RPL19: variants seen among roughly 807,000 people sequenced by gnomAD.
RPL19 encodes large ribosomal subunit protein eL19.
Under a neutral mutation model 25.1 loss-of-function variants are expected in RPL19, and 2 were observed. The ratio of observed to expected loss-of-function variants is 0.08; its 90% CI spans 0.03 to 0.25. The LOEUF (loss-of-function observed/expected upper bound fraction) is 0.25, where lower values mean the gene tolerates loss of function less well. Among genes scored for constraint, RPL19 ranks in the 10% least tolerant of loss-of-function variants. RPL19 has a pLI of 1.00. For synonymous variants in RPL19, 89 were observed against 91.2 expected, an observed-to-expected ratio of 0.98 and a Z score of 0.14; for missense variants, 123 against 271.8, an observed-to-expected ratio of 0.45 and a Z score of 3.85.
At chr17:39,202,563 T>G (rs2046298681) in intron 3 of RPL19, 124 bp downstream of exon 3, 11 of 1,253,230 alleles carry the variant, frequency 8.8e-6, no homozygotes, top group Non-Finnish European at 1.2e-5. Flanking sequence ...TTTGATGTGT[T>G]TTCTGCCTGT....
In RPL19 at chr17:39,204,329, C is replaced by T. The variant is rs2046310126; in HGVS notation, c.467+142C>T. 9.6e-6 allele frequency: 8 copies of T among 829,338 alleles called. No homozygotes were observed. In the East Asian group the frequency reaches 1.3e-4, roughly 13 times the overall value. The allele number at this position is 829,338 out of a possible 1,614,324, so 51.4% of individuals were successfully genotyped here. A position where few individuals can be genotyped will look rare whatever the true frequency, so the allele number is the denominator to read the frequency against. On this transcript the variant is annotated intron_variant, in intron 5 of 5. Transcript: ENST00000225430. ...ACAGCTGTTCCCTTAGAGGCACCCA[C>T]TCCTCTGTCCTGTACACACCCACTC...
At position 39,201,201 on chromosome 17, in the gene RPL19, C is replaced by G. The variant is rs543589475; in HGVS notation, c.6-12C>G. 1 of 1,576,468 alleles carries G rather than the reference C, an allele frequency of 6.3e-7. No homozygotes were observed. Among genetic ancestry groups the G allele is most frequent in the African/African-American group, 1.4e-5 (1 of 73,550 alleles). On this transcript the variant is annotated splice_polypyrimidine_tract_variant and intron_variant, in intron 1 of 5. Transcript: ENST00000225430. Reference sequence around the variant, plus strand: ...GGCTTTCAGAGTCTAATCATGTTTTCTGTGTGTCTAGTATGCTCAGGCTTC... The same window carrying G: ...GGCTTTCAGAGTCTAATCATGTTTTGTGTGTGTCTAGTATGCTCAGGCTTC...
rs768277871 is a variant in RPL19, at chr17:39,201,362, T to C, written c.112+43T>C. On this transcript the variant is annotated intron_variant, in intron 2 of 5. Transcript: ENST00000225430. ...GTCTCTTCACCCTACTTCCTTCTTT[T>C]CTCCTGCGTCAGATTAATGATAACA... is the stretch of plus-strand genomic sequence containing the variant. 3 of 1,158,466 alleles carry C rather than the reference T, an allele frequency of 2.6e-6. No individual in the cohort carries two copies. The South Asian group carries it at 3.9e-5, about 15-fold the overall frequency. The allele number at this position is 1,158,466 out of a possible 1,614,324, so 71.8% of individuals were successfully genotyped here. A position where few individuals can be genotyped will look rare whatever the true frequency, so the allele number is the denominator to read the frequency against.
chr17:39,202,628 G>A (rs2046299020), intron 3 of RPL19, 189 bp downstream of exon 3: 1 of 694,184 alleles, frequency 1.4e-6, no homozygotes, highest in Non-Finnish European at 2.4e-6. Context: ...CCTGGTAGGA[G>A]GTCACATTTA....
At position 39,202,404 on chromosome 17, in the gene RPL19, C is replaced by A; in HGVS notation, c.200C>A (p.Thr67Asn). Residue 67 changes from threonine (T) to asparagine (N), a missense_variant, in exon 3 of 6, where the codon ACC (threonine) becomes AAC (asparagine). Thr to Asn is a moderately conservative substitution (Grantham distance 65). Transcript: ENST00000225430. Reference sequence around the variant, plus strand: ...TCCCGGGCTCGATGCCGGAAAAACACCTTGGCCCGCCGGAAGGGCAGGCAC... The same window carrying A: ...TCCCGGGCTCGATGCCGGAAAAACAACTTGGCCCGCCGGAAGGGCAGGCAC... ...VHSRARCRKN[T>N]LARRKGRHMG... is the part of the protein sequence containing the mutation. 6.2e-7 allele frequency: 1 copy of A among 1,614,188 alleles called. No individual in the cohort carries two copies. Among genetic ancestry groups the A allele is most frequent in the Non-Finnish European group, 8.5e-7 (1 of 1,180,020 alleles).
intron 2 of RPL19, 101 bp from the exon 3 acceptor site, chr17:39,202,216 G>T: frequency 7.0e-7 from 1 of 1,431,832 alleles, no homozygotes; most frequent in Non-Finnish European, 9.7e-7. Flanking sequence ...TTTTGAGACC[G>T]TGGGGCCAAG....
intron 5 of RPL19, 117 bp from the exon 6 acceptor site, chr17:39,204,408 C>T (rs1367106918): frequency 2.3e-6 from 3 of 1,306,990 alleles, no homozygotes; most frequent in South Asian, 1.3e-5. Flanking sequence ...TTGGTGGGCC[C>T]AGCAACTCAT....
At chr17:39,202,964 C>T (rs752514495) in intron 3 of RPL19, 25 bp from the exon 4 acceptor site, 85 of 1,613,518 alleles carry the variant, frequency 5.3e-5, no homozygotes, top group Admixed American at 1.7e-4. Context: ...GGTAGTGGCC[C>T]GTTCCTAACT....
chr17:39,202,951 C>G, intron 3 of RPL19, 38 bp from the exon 4 acceptor site: 3 of 1,613,198 alleles, frequency 1.9e-6, no homozygotes, highest in Non-Finnish European at 2.5e-6. Flanking sequence ...CACAGTGGGC[C>G]TGGGTAGTGG....
chr17:39,203,173 G>GTT, intron 4 of RPL19, 64 bp downstream of exon 4: 21 of 660,996 alleles, frequency 3.2e-5, no homozygotes, highest in East Asian at 1.1e-4. Flanking sequence ...ATTTCCCAGA[G>GTT]ATTTTTTTTT....
At position 39,200,956 on chromosome 17, in the gene RPL19, C is replaced by A. The variant is rs573792026; in HGVS notation, c.6-257C>A. Among the ~76,000 whole-genome samples the A allele has an allele frequency of 3.9e-5, 6 of 152,302 alleles. No homozygotes were observed. The South Asian group carries it at 1.2e-3, about 32-fold the overall frequency. On this transcript the variant is annotated intron_variant, in intron 1 of 5. Coordinates refer to ENST00000225430, the MANE Select transcript of RPL19 (RefSeq NM_000981.4). ...CCAGAAATGGCATAACCCCCCTATT[C>A]AATCCAATAAGTCCTTGGCTTGACT...
intron 2 of RPL19, 103 bp from the exon 3 acceptor site, chr17:39,202,214 C>T: frequency 7.1e-7 from 1 of 1,414,126 alleles, no homozygotes; most frequent in African/African-American, 1.4e-5. Flanking sequence ...CTTTTTGAGA[C>T]CGTGGGGCCA....
chr17:39,204,219 T>C (rs1286280738), intron 5 of RPL19, 32 bp downstream of exon 5: 4 of 1,303,146 alleles, frequency 3.1e-6, no homozygotes, highest in Admixed American at 1.7e-5. Context: ...TAGGGGAACA[T>C]TCTTAGACCT....
At chr17:39,204,238 TG>T (rs778385718) in intron 5 of RPL19, 51 bp downstream of exon 5, 1 of 1,153,680 alleles carries the variant, frequency 8.7e-7, no homozygotes. Context: ...CTTTGAGAGT[TG>T]TTCTTAGATA....
chr17:39,200,866 C>A, intron 1 of RPL19: 1 of 661,000 alleles, frequency 1.5e-6, no homozygotes, highest in Non-Finnish European at 2.0e-6. Flanking sequence ...AACAGAGTAA[C>A]TTGCCTGCAT....
chr17:39,200,548 C>A (rs912649542), intron 1 of RPL19, 199 bp downstream of exon 1: 130 of 1,298,410 alleles, frequency 1.0e-4, no homozygotes, highest in Non-Finnish European at 1.3e-4. Context: ...GCAACTGAGA[C>A]CAGGAAAAGT....
chr17:39,200,537 A>G, intron 1 of RPL19, 188 bp downstream of exon 1: 1 of 1,302,534 alleles, frequency 7.7e-7, no homozygotes, highest in Non-Finnish European at 9.8e-7. Context: ...GGAGCGTCGC[A>G]GCAACTGAGA....
chr17:39,201,342 T>G (rs1482817376), intron 2 of RPL19, 23 bp downstream of exon 2: 2 of 1,283,282 alleles, frequency 1.6e-6, no homozygotes, highest in African/African-American at 3.0e-5. Flanking sequence ...GATCTGTCTC[T>G]TCACCCTACT....
At chr17:39,200,549 C>T in intron 1 of RPL19, 200 bp downstream of exon 1, 2 of 1,297,150 alleles carry the variant, frequency 1.5e-6, no homozygotes, top group Non-Finnish European at 2.0e-6. Flanking sequence ...CAACTGAGAC[C>T]AGGAAAAGTC....
Sources: gnomAD v4.1 joint callset for allele counts (sites outside exome capture counted in the v4.1 genomes callset) on GRCh38, gnomAD v4.1.1 for gene constraint, MANE v1.5 for transcripts, NCBI Gene and HGNC (gene_info 2026-07-23, HGNC 2026-07-21) for gene names.